CACNG7: variants seen among roughly 807,000 people sequenced by gnomAD.
CACNG7 encodes the protein calcium voltage-gated channel auxiliary subunit gamma 7, also known as voltage-dependent calcium channel gamma-7 subunit.
Under a neutral mutation model 26.3 loss-of-function variants are expected in CACNG7, and 9 were observed. That is an observed-to-expected ratio of 0.34 (90% CI 0.21 to 0.60). The LOEUF (loss-of-function observed/expected upper bound fraction) is 0.60. Ranked by LOEUF, CACNG7 falls within the 20% of genes least tolerant of loss-of-function variation. The pLI is 0.81. For synonymous variants in CACNG7, 170 were observed against 157.0 expected (o/e 1.08, Z -0.62); for missense variants, 297 against 380.4 (o/e 0.78, Z 1.82).
chr19:53,924,995 G>C (rs537132472), intron 4 of CACNG7, among the ~76,000 whole-genome samples: 9 of 133,740 alleles, frequency 6.7e-5, no homozygotes, highest in Non-Finnish European at 1.2e-4. Flanking sequence ...TATTGGTGGA[G>C]TTGCCCCAGG....
intron 4 of CACNG7, among the ~76,000 whole-genome samples, chr19:53,934,093 C>T (rs189765378): frequency 2.3e-4 from 35 of 152,140 alleles, no homozygotes; most frequent in African/African-American, 7.7e-4. Context: ...GACAGGGTTT[C>T]TCCATGTTAG....
At position 53,939,114 on chromosome 19, in the gene CACNG7, A is replaced by C. The variant is rs913864885; in HGVS notation, c.425-2356A>C. 3.9e-5 allele frequency among the ~76,000 whole-genome samples: 6 copies of C among 152,042 alleles called. No homozygotes were observed. Among genetic ancestry groups the C allele is most frequent in the African/African-American group, 1.5e-4 (6 of 41,374 alleles). On this transcript the variant is annotated intron_variant, in intron 4 of 5. Coordinates refer to ENST00000391767, the MANE Select transcript of CACNG7 (RefSeq NM_031896.5). This position sits in a 1 kb window ranked among gnomAD's most constrained non-coding sequence, Gnocchi z 4.2. ...TCTACTAAAAATACAAAAATTAGCC[A>C]GGCATGGTGGCGGGTGCCTGTTAAT...
At position 53,923,087 on chromosome 19, in the gene CACNG7, G is replaced by C. The variant is rs75067496; in HGVS notation, c.424+7582G>C. ...TTGTCCCCAGGCCTGGTCATTGGTG[G>C]AGTTGTCCCAGGCTGGTCATTGGTG... On this transcript the variant is annotated intron_variant, in intron 4 of 5. Transcript: ENST00000391767. Among the ~76,000 whole-genome samples the C allele has an allele frequency of 6.4e-4, 83 of 128,974 alleles. 1 individual carries two copies. Among genetic ancestry groups the C allele is most frequent in the South Asian group, 1.1e-3 (4 of 3,648 alleles). 84.6% of individuals were successfully genotyped at this position (128,974 alleles called of 152,430 possible). A position where few individuals can be genotyped will look rare whatever the true frequency, so the allele number is the denominator to read the frequency against.
chr19:53,927,139 C>G (rs575987725), intron 4 of CACNG7, among the ~76,000 whole-genome samples: 2 of 152,084 alleles, frequency 1.3e-5, no homozygotes, highest in South Asian at 4.1e-4. Flanking sequence ...AGGCTGGTCT[C>G]AAACCCCTGA....
At chr19:53,941,415 G>A in intron 4 of CACNG7, 55 bp from the exon 5 acceptor site, 3 of 1,475,856 alleles carry the variant, frequency 2.0e-6, no homozygotes, top group Non-Finnish European at 2.7e-6. Flanking sequence ...TGGGGCTGGG[G>A]CTGGGAAAAG....
intron 2 of CACNG7, among the ~76,000 whole-genome samples, chr19:53,914,281 A>AAAAAAG (rs2068880057): frequency 7.2e-6 from 1 of 137,946 alleles, no homozygotes; most frequent in African/African-American, 2.8e-5. Flanking sequence ...CTCAAAAAAA[A>AAAAAAG]AAAAAAGAAA....
chr19:53,923,502 G>GT (rs71189899), intron 4 of CACNG7, among the ~76,000 whole-genome samples: 194 of 75,634 alleles, frequency 2.6e-3, no homozygotes, highest in African/African-American at 7.4e-3. Context: ...GTTGTCCCAG[G>GT]CTGGTCATTG....
At chr19:53,934,704 T>C (rs903418948) in intron 4 of CACNG7, among the ~76,000 whole-genome samples, 3 of 152,116 alleles carry the variant, frequency 2.0e-5, no homozygotes, top group Admixed American at 6.6e-5. Flanking sequence ...GCCCAGGAGT[T>C]TGAGGCTGCA....
At chr19:53,931,685 T>TAAAA (rs747430354) in intron 4 of CACNG7, among the ~76,000 whole-genome samples, 126 of 42,890 alleles carry the variant, frequency 2.9e-3, no homozygotes, top group Non-Finnish European at 4.5e-3. Flanking sequence ...AGACTCTGTC[T>TAAAA]AAAAAAAAAA....
chr19:53,937,595 T>G (rs916514034), intron 4 of CACNG7, among the ~76,000 whole-genome samples: 1 of 16,800 alleles, frequency 6.0e-5, no homozygotes, highest in African/African-American at 2.1e-4. Context: ...TCCCCTCCCC[T>G]CCCCTCCCCT....
chr19:53,910,293 G>A (rs1341135527), intron 1 of CACNG7, among the ~76,000 whole-genome samples: 1 of 151,566 alleles, frequency 6.6e-6, no homozygotes, highest in African/African-American at 2.4e-5. Flanking sequence ...TGAGCCGCCA[G>A]GCGGGGGATG....
At chr19:53,922,575 G>GTTGTCCCAGGACTGGTCATTGGTGC (rs2068970577) in intron 4 of CACNG7, among the ~76,000 whole-genome samples, 1 of 85,832 alleles carries the variant, frequency 1.2e-5, no homozygotes, top group Non-Finnish European at 2.1e-5. Context: ...GTCATTGGTG[G>GTTGTCCCAGGACTGGTCATTGGTGC]AGTTGTCCCA....
intron 2 of CACNG7, among the ~76,000 whole-genome samples, chr19:53,914,032 T>C (rs562695744): frequency 6.6e-6 from 1 of 151,790 alleles, no homozygotes; most frequent in Admixed American, 6.6e-5. Context: ...TCCCAGCACT[T>C]TGGGGGGCCA....
chr19:53,929,482 A>G (rs889123225), intron 4 of CACNG7, among the ~76,000 whole-genome samples: 16 of 152,016 alleles, frequency 1.1e-4, no homozygotes, highest in African/African-American at 3.9e-4. Context: ...TTTGAGATGG[A>G]GTCTCGCTCT....
chr19:53,910,815 G>A (rs902616282), intron 1 of CACNG7, among the ~76,000 whole-genome samples: 3 of 152,154 alleles, frequency 2.0e-5, no homozygotes, highest in African/African-American at 7.2e-5. Flanking sequence ...GGAGTCTAAT[G>A]TTATGAAATC....
chr19:53,910,846 G>A (rs1317871394), intron 1 of CACNG7, among the ~76,000 whole-genome samples: 2 of 152,178 alleles, frequency 1.3e-5, no homozygotes, highest in African/African-American at 4.8e-5. Context: ...GCTGGATGTT[G>A]AAGAAGATCT....
At position 53,942,314 on chromosome 19, in the gene CACNG7, C is replaced by G. The variant is rs201657701; in HGVS notation, c.*21C>G. 1,115 of 1,586,646 alleles carry G rather than the reference C, an allele frequency of 7.0e-4. No homozygotes were observed. Among genetic ancestry groups the G allele is most frequent in the Non-Finnish European group, 9.2e-4 (1,073 of 1,168,892 alleles). On this transcript the variant is annotated 3_prime_UTR_variant, in exon 6 of 6. Coordinates refer to ENST00000391767, the MANE Select transcript of CACNG7 (RefSeq NM_031896.5). This position sits in a 1 kb window ranked among gnomAD's most constrained non-coding sequence, Gnocchi z 5.9. ...GCTGAGGCCCGCCCCTCGGAGCTCC[C>G]CCTGCCTCCTCCTCCTCCTCGTCTT...
intron 4 of CACNG7, among the ~76,000 whole-genome samples, chr19:53,919,060 G>A (rs1026317135): frequency 6.6e-6 from 1 of 152,178 alleles, no homozygotes; most frequent in Non-Finnish European, 1.5e-5. Flanking sequence ...GTGAGCCACC[G>A]CACGTTGCCC....
intron 4 of CACNG7, among the ~76,000 whole-genome samples, chr19:53,917,379 C>G (rs909553072): frequency 6.6e-6 from 1 of 152,154 alleles, no homozygotes; most frequent in Admixed American, 6.5e-5. Flanking sequence ...CCCCTGGGGC[C>G]GGCACTCAGC....
Sources: allele counts gnomAD v4.1 joint callset (sites outside exome capture counted in the v4.1 genomes callset), GRCh38; gene constraint gnomAD v4.1.1; non-coding constraint Gnocchi (gnomAD v3.1); transcripts MANE v1.5; gene names NCBI Gene and HGNC (gene_info 2026-07-23, HGNC 2026-07-21).